The following NBAS variants were observed in gnomAD, a reference collection of about 807,000 sequenced individuals.
NBAS encodes the protein NAG/BC035112 fusion.
A neutral mutation model predicts 302.5 loss-of-function variants in NBAS; 219 were observed. The ratio of observed to expected loss-of-function variants is 0.72; its 90% CI spans 0.65 to 0.81. NBAS has a LOEUF of 0.81. Among genes scored for constraint, NBAS ranks in the 30% least tolerant of loss-of-function variants. NBAS has a pLI of 0.00. For missense variants in NBAS, 2,932 were observed against 2,841.6 expected (o/e 1.03, Z -0.72); for synonymous variants, 1,118 against 1,021.6 (o/e 1.09, Z -1.80).
At chr2:15,177,826 T>G (rs1025606449) in intron 51 of NBAS, 3 of 190,010 alleles carry the variant, frequency 1.6e-5, no homozygotes, top group African/African-American at 7.0e-5. Context: ...GATTCCCTAC[T>G]TCAGTCAAGG....
chr2:14,947,830 G>A, the NBAS span, among the ~76,000 whole-genome samples: 1 of 151,778 alleles, frequency 6.6e-6, no homozygotes, highest in East Asian at 1.9e-4. Context: ...AATCATAAAG[G>A]GATGTTTAAT....
chr2:14,782,829 C>T, the NBAS span, among the ~76,000 whole-genome samples: 1 of 152,130 alleles, frequency 6.6e-6, no homozygotes, highest in Admixed American at 6.5e-5. Context: ...AGCTGGAGGC[C>T]ATTATCCTTA....
intron 30 of NBAS, 56 bp downstream of exon 30, chr2:15,379,546 T>C: frequency 6.6e-7 from 1 of 1,509,986 alleles, no homozygotes; most frequent in Non-Finnish European, 9.2e-7. Flanking sequence ...AACAATGCAG[T>C]TTGTACATTC....
At chr2:15,497,935 G>A (rs906794213) in intron 11 of NBAS, among the ~76,000 whole-genome samples, 3 of 152,038 alleles carry the variant, frequency 2.0e-5, no homozygotes, top group African/African-American at 7.2e-5. Flanking sequence ...TAATAACTGA[G>A]AACCATCTCT....
chr2:15,038,393 G>A, the NBAS span, among the ~76,000 whole-genome samples: 3 of 152,046 alleles, frequency 2.0e-5, no homozygotes, highest in Non-Finnish European at 4.4e-5. Flanking sequence ...TTACAAGCAC[G>A]AGCCACCACG....
At chr2:15,372,709 A>G (rs932829099) in intron 31 of NBAS, among the ~76,000 whole-genome samples, 37 of 152,232 alleles carry the variant, frequency 2.4e-4, no homozygotes, top group African/African-American at 8.9e-4. Context: ...ATGAAAGCAA[A>G]TGTCTTTCTT....
At chr2:15,532,137 G>T (rs1379944667) in intron 9 of NBAS, among the ~76,000 whole-genome samples, 1 of 152,100 alleles carries the variant, frequency 6.6e-6, no homozygotes, top group Admixed American at 6.5e-5. Context: ...TTGAAATCAT[G>T]AAATACTATA....
intron 9 of NBAS, among the ~76,000 whole-genome samples, chr2:15,521,215 C>T (rs1662654497): frequency 1.3e-5 from 2 of 152,154 alleles, no homozygotes; most frequent in African/African-American, 2.4e-5. Flanking sequence ...GTACCTTCTT[C>T]GACCCAGCTG....
chr2:14,970,723 T>C, the NBAS span, among the ~76,000 whole-genome samples: 48 of 152,306 alleles, frequency 3.2e-4, no homozygotes, highest in African/African-American at 9.6e-4. Flanking sequence ...TGAAGACCTC[T>C]GCTAGGAGGC....
the NBAS span, among the ~76,000 whole-genome samples, chr2:15,102,980 GAAGGAAGGAAGGA>G: frequency 3.4e-5 from 1 of 29,320 alleles, no homozygotes; most frequent in South Asian, 2.2e-3. Context: ...CATTAAGGAG[GAAGGAAGGAAGGA>G]AGGAAGGAAG....
chr2:15,393,610 G>GAAATGAAATCGTATGTCTACAC, intron 28 of NBAS: 1 of 423,312 alleles, frequency 2.4e-6, no homozygotes, highest in African/African-American at 2.1e-5. Context: ...TTGTCTGAGA[G>GAAATGAAATCGTATGTCTACAC]AAATGAAAGC....
At chr2:14,874,520 G>C in the NBAS span, among the ~76,000 whole-genome samples, 1 of 150,614 alleles carries the variant, frequency 6.6e-6, no homozygotes, top group Non-Finnish European at 1.5e-5. Context: ...GGCGCCTGTA[G>C]TCCCAGCTAC....
the NBAS span, among the ~76,000 whole-genome samples, chr2:14,996,854 T>C: frequency 2.6e-5 from 4 of 152,186 alleles, no homozygotes; most frequent in African/African-American, 9.6e-5. Context: ...CAAAGCTGTG[T>C]GCAAAAGTTA....
chr2:15,108,720 A>G, the NBAS span, among the ~76,000 whole-genome samples: 1 of 152,102 alleles, frequency 6.6e-6, no homozygotes, highest in Non-Finnish European at 1.5e-5. Flanking sequence ...TGAAATCCAT[A>G]ATTGATTGCC....
chr2:15,205,444 C>T (rs566304291), intron 48 of NBAS, among the ~76,000 whole-genome samples: 3 of 150,102 alleles, frequency 2.0e-5, no homozygotes, highest in East Asian at 2.0e-4. Flanking sequence ...GGACTAAATT[C>T]GCCAATCAAA....
chr2:15,234,919 C>T (rs1225275536), intron 45 of NBAS, among the ~76,000 whole-genome samples, 172 bp from the exon 46 acceptor site: 1 of 152,202 alleles, frequency 6.6e-6, no homozygotes, highest in African/African-American at 2.4e-5. Context: ...GGATCACCCA[C>T]ATTTGAGTGC....
intron 38 of NBAS, among the ~76,000 whole-genome samples, chr2:15,324,695 T>C (rs1261038254): frequency 2.0e-5 from 3 of 152,186 alleles, no homozygotes; most frequent in Non-Finnish European, 4.4e-5. Context: ...TATTCTAAGT[T>C]CCTAGGACAG....
intron 38 of NBAS, among the ~76,000 whole-genome samples, chr2:15,318,039 C>T (rs187551969): frequency 2.0e-3 from 299 of 152,338 alleles, no homozygotes; most frequent in African/African-American, 6.4e-3. Context: ...ATCAGACTAA[C>T]AGCAGATCTC....
At chr2:15,152,993 T>C in the NBAS span, among the ~76,000 whole-genome samples, 1 of 152,022 alleles carries the variant, frequency 6.6e-6, no homozygotes, top group Admixed American at 6.6e-5. Context: ...GGAGAGAAAT[T>C]AGAGATACAA....
Sources: gnomAD v4.1 joint callset for allele counts (sites outside exome capture counted in the v4.1 genomes callset) on GRCh38, gnomAD v4.1.1 for gene constraint, MANE v1.5 for transcripts, NCBI Gene and HGNC (gene_info 2026-07-23, HGNC 2026-07-21) for gene names.